Variants in MICAL2 observed in about 807,000 individuals in gnomAD.
MICAL2 encodes the protein [F-actin]-monooxygenase MICAL2.
A neutral mutation model predicts 127.3 loss-of-function variants in MICAL2; 77 were observed. The ratio of observed to expected loss-of-function variants is 0.60; its 90% CI spans 0.50 to 0.73. The LOEUF is 0.73. MICAL2 is among the 30% of genes least tolerant of loss of function. MICAL2 has a pLI of 0.00. For missense variants in MICAL2, 1,351 were observed against 1,434.4 expected (o/e 0.94, Z 0.94); for synonymous variants, 570 against 551.1 (o/e 1.03, Z -0.48).
At chr11:12,338,258 C>T in intron 32 of MICAL2, among the ~76,000 whole-genome samples, 1 of 152,104 alleles carries the variant, frequency 6.6e-6, no homozygotes, top group Non-Finnish European at 1.5e-5. Context: ...TCTGTTTTAT[C>T]AGAGACTAGG....
upstream of MICAL2, among the ~76,000 whole-genome samples, chr11:12,274,923 C>T (rs1294016891): frequency 6.6e-6 from 1 of 151,832 alleles, no homozygotes; most frequent in Non-Finnish European, 1.5e-5. Context: ...GGGTGGGGCA[C>T]AGCAAGAGGC....
At chr11:12,122,984 C>T (rs984491736) in intron 1 of MICAL2, among the ~76,000 whole-genome samples, 27 of 152,078 alleles carry the variant, frequency 1.8e-4, no homozygotes, top group African/African-American at 5.8e-4. Context: ...CAGTTCTTCC[C>T]CTTGGGTGCC....
intron 4 of MICAL2, chr11:12,207,782 A>G (rs1854911826): frequency 2.4e-6 from 1 of 424,616 alleles, no homozygotes; most frequent in Non-Finnish European, 4.2e-6. Flanking sequence ...CAAGTCATTT[A>G]ACTTTGTTAA....
chr11:12,264,403 C>G (rs1364928805), downstream of MICAL2, among the ~76,000 whole-genome samples: 1 of 152,164 alleles, frequency 6.6e-6, no homozygotes, highest in Non-Finnish European at 1.5e-5. Context: ...CTAGCACCAC[C>G]CGAAGTATAG....
chr11:12,201,067 A>G (rs1048659607), intron 3 of MICAL2, among the ~76,000 whole-genome samples: 3 of 152,156 alleles, frequency 2.0e-5, no homozygotes, highest in Non-Finnish European at 4.4e-5. Context: ...TTGTCTGGCT[A>G]TGTCCAAGCC....
chr11:12,296,691 TG>T (rs1264422498), downstream of MICAL2, among the ~76,000 whole-genome samples: 1 of 151,902 alleles, frequency 6.6e-6, no homozygotes, highest in Non-Finnish European at 1.5e-5. Context: ...GGTCCTATCC[TG>T]GTGATAGATA....
At chr11:12,135,942 A>G (rs12801292) in intron 1 of MICAL2, among the ~76,000 whole-genome samples, 6,747 of 152,212 alleles carry the variant, frequency 0.044, 229 homozygotes, top group East Asian at 0.13. Context: ...TAGTGCATTG[A>G]AACTCTGAGT....
At chr11:12,358,687 T>G, downstream of MICAL2, 1 of 379,136 alleles carries the variant, frequency 2.6e-6, no homozygotes, top group Non-Finnish European at 4.6e-6. Context: ...CAAAGACTCT[T>G]TGGCAATTGG....
At chr11:12,239,676 C>A in intron 17 of MICAL2, 91 bp downstream of exon 17, 1 of 1,469,178 alleles carries the variant, frequency 6.8e-7, no homozygotes, top group Non-Finnish European at 9.2e-7. Flanking sequence ...GATATGCCAG[C>A]CAGGCCTGGT....
chr11:12,268,788 A>C (rs900161075), intron 24 of MICAL2, among the ~76,000 whole-genome samples: 3 of 151,932 alleles, frequency 2.0e-5, no homozygotes, highest in African/African-American at 7.3e-5. Flanking sequence ...TAGGAGATCG[A>C]GACCATCCTG....
intron 8 of MICAL2, among the ~76,000 whole-genome samples, chr11:12,218,730 G>A (rs1199495968): frequency 1.3e-5 from 2 of 152,180 alleles, no homozygotes; most frequent in African/African-American, 2.4e-5. Flanking sequence ...AATTTGGGCG[G>A]TTTGGTTTGA....
intron 34 of MICAL2, among the ~76,000 whole-genome samples, chr11:12,356,610 G>A (rs182454562): frequency 1.2e-4 from 19 of 152,240 alleles, no homozygotes; most frequent in African/African-American, 1.7e-4. Flanking sequence ...CCACTCTCTC[G>A]GGGTGCCTGA....
intron 30 of MICAL2, among the ~76,000 whole-genome samples, chr11:12,320,390 A>G (rs779807367): frequency 6.6e-6 from 1 of 152,206 alleles, no homozygotes; most frequent in Non-Finnish European, 1.5e-5. Flanking sequence ...TCCATAGATT[A>G]AAAAAACACA....
intron 2 of MICAL2, among the ~76,000 whole-genome samples, chr11:12,147,878 T>TATCAGGCTGCAGGG (rs1853115495): frequency 6.6e-6 from 1 of 152,260 alleles, no homozygotes. Context: ...GCAGGGATTC[T>TATCAGGCTGCAGGG]ATTCGGGAAC....
At chr11:12,258,583 A>T (rs1272383896) in intron 25 of MICAL2, 27 bp downstream of exon 25, 1 of 1,599,514 alleles carries the variant, frequency 6.3e-7, no homozygotes, top group Admixed American at 1.7e-5. Context: ...CATGCTGGTG[A>T]AACGGGGAAG....
Position 12,114,747 on chromosome 11 carries a change from A to C in MICAL2, c.-149+4021A>C, listed in dbSNP as rs943724487. ...TTAGATAAGAGGTTTTAAAAAAATG[A>C]CTTGCTTACGTGTGGACGTTTCCTC... On this transcript the variant is annotated intron_variant, in intron 1 of 27. Coordinates refer to ENST00000683283, the MANE Select transcript of MICAL2 (RefSeq NM_001282663.2). Among the ~76,000 whole-genome samples the C allele has an allele frequency of 5.3e-5, 8 of 152,156 alleles. 1 individual carries two copies. The highest frequency in any genetic ancestry group is 7.3e-5 in the Non-Finnish European group (5 of 68,028).
At chr11:12,205,151 G>A (rs1854523600) in intron 4 of MICAL2, among the ~76,000 whole-genome samples, 1 of 152,172 alleles carries the variant, frequency 6.6e-6, no homozygotes, top group South Asian at 2.1e-4. Context: ...CAGGTCCTGG[G>A]CATCCCTGAA....
At chr11:12,193,811 T>C (rs1859522399) in intron 3 of MICAL2, among the ~76,000 whole-genome samples, 1 of 152,210 alleles carries the variant, frequency 6.6e-6, no homozygotes, top group Non-Finnish European at 1.5e-5. Flanking sequence ...GAGCATTTCA[T>C]GTCTTGGTTT....
chr11:12,168,061 G>A (rs1181315130), intron 3 of MICAL2, among the ~76,000 whole-genome samples: 1 of 151,750 alleles, frequency 6.6e-6, no homozygotes, highest in East Asian at 1.9e-4. Context: ...CAGCACTTTG[G>A]GAGGCTAAGC....
Sources: gnomAD v4.1 joint callset for allele counts (sites outside exome capture counted in the v4.1 genomes callset) on GRCh38, gnomAD v4.1.1 for gene constraint, MANE v1.5 for transcripts, NCBI Gene and HGNC (gene_info 2026-07-23, HGNC 2026-07-21) for gene names.